The following VIT variants were observed in gnomAD, a reference collection of about 807,000 sequenced individuals.
VIT encodes vitrin.
In VIT, 99 loss-of-function variants were observed where a neutral mutation model predicts 78.0. The ratio of observed to expected loss-of-function variants is 1.27; its 90% CI spans 1.08 to 1.50. The LOEUF is 1.50. VIT is among the 40% of genes most tolerant of loss of function. The pLI, the probability that VIT is intolerant of heterozygous loss-of-function variation, is 0.00. For missense variants in VIT, 1,126 were observed against 875.3 expected (o/e 1.29, Z -3.61); for synonymous variants, 374 against 334.3 (o/e 1.12, Z -1.29).
At chr2:36,801,180 G>A (rs1666295982) in intron 12 of VIT, 121 bp from the exon 13 acceptor site, 5 of 879,484 alleles carry the variant, frequency 5.7e-6, no homozygotes, top group Non-Finnish European at 7.4e-6. Flanking sequence ...ATTTTACAAG[G>A]CATAGCAGAA....
chr2:36,725,574 T>C (rs911860337), intron 2 of VIT, among the ~76,000 whole-genome samples: 1 of 106,774 alleles, frequency 9.4e-6, no homozygotes, highest in South Asian at 3.6e-4. Context: ...GGGGTTAGGA[T>C]GTCAATGTAG....
At chr2:36,813,603 C>A (rs959671161) in intron 15 of VIT, among the ~76,000 whole-genome samples, 1 of 152,148 alleles carries the variant, frequency 6.6e-6, no homozygotes, top group African/African-American at 2.4e-5. Context: ...CTCTCTGGCA[C>A]CTTTGGCAAG....
At chr2:36,813,860 T>A (rs1667371852) in intron 15 of VIT, among the ~76,000 whole-genome samples, 1 of 152,198 alleles carries the variant, frequency 6.6e-6, no homozygotes, top group Non-Finnish European at 1.5e-5. Context: ...TTCCCAAACA[T>A]GAAATTCTTA....
intron 14 of VIT, among the ~76,000 whole-genome samples, chr2:36,806,336 G>C (rs1247542372): frequency 6.6e-6 from 1 of 152,148 alleles, no homozygotes; most frequent in Non-Finnish European, 1.5e-5. Flanking sequence ...CAGCCAGCAG[G>C]GCTCAACCTC....
At chr2:36,812,861 CT>C (rs5830441) in intron 15 of VIT, among the ~76,000 whole-genome samples, 62,909 of 109,808 alleles carry the variant, frequency 0.57, 16,276 homozygotes, top group Admixed American at 0.7. Flanking sequence ...TTTTCTTCTT[CT>C]TTTTTTTTTT....
At chr2:36,706,175 C>A (rs1665407408) in intron 1 of VIT, among the ~76,000 whole-genome samples, 2 of 152,214 alleles carry the variant, frequency 1.3e-5, no homozygotes, top group African/African-American at 4.8e-5. Context: ...TGCCACACTT[C>A]TTCCCAGAGC....
rs191576449 is a variant in VIT, at chr2:36,810,039, C to T, written c.1903+1054C>T. Among the ~76,000 whole-genome samples the T allele has an allele frequency of 5.0e-3, 740 of 148,890 alleles. 3 individuals carry two copies. Among genetic ancestry groups the T allele is most frequent in the Middle Eastern group, 0.049 (13 of 266 alleles). ...AGGCACAATGGCCCACGCCTGTGATCCCAGCACTTTGGGAGGCTGAGGCGG... is the reference window on the plus strand; with the variant it reads ...AGGCACAATGGCCCACGCCTGTGATTCCAGCACTTTGGGAGGCTGAGGCGG... On this transcript the variant is annotated intron_variant, in intron 15 of 15. Coordinates refer to ENST00000379242, the MANE Select transcript of VIT (RefSeq NM_053276.4).
chr2:36,716,803 C>G (rs934955518), intron 2 of VIT, among the ~76,000 whole-genome samples: 1 of 148,476 alleles, frequency 6.7e-6, no homozygotes, highest in Non-Finnish European at 1.5e-5. Context: ...AACAAATGAA[C>G]AAAAATTCTT....
At chr2:36,783,581 A>G (rs899316776) in intron 11 of VIT, among the ~76,000 whole-genome samples, 179 bp downstream of exon 11, 4 of 152,184 alleles carry the variant, frequency 2.6e-5, no homozygotes, top group African/African-American at 4.8e-5. Context: ...TAAACTGTCT[A>G]TGTGCATGAG....
At chr2:36,702,435 A>G (rs72801353) in intron 1 of VIT, among the ~76,000 whole-genome samples, 2,342 of 152,066 alleles carry the variant, frequency 0.015, 31 homozygotes, top group Non-Finnish European at 0.026. Context: ...CCCTGTTCAT[A>G]TTCCACTCCC....
chr2:36,763,561 G>A (rs1256109254), intron 6 of VIT, among the ~76,000 whole-genome samples: 3 of 149,542 alleles, frequency 2.0e-5, no homozygotes, highest in African/African-American at 4.9e-5. Context: ...GGGATAGGAG[G>A]AGTAATTTTT....
intron 1 of VIT, among the ~76,000 whole-genome samples, chr2:36,709,207 A>C (rs10490665): frequency 0.061 from 9,316 of 152,228 alleles, 400 homozygotes; most frequent in African/African-American, 0.12. Flanking sequence ...ATTAGAATGA[A>C]GATGGAGTAA....
At chr2:36,770,249 G>A (rs1353781018) in intron 7 of VIT, among the ~76,000 whole-genome samples, 3 of 152,208 alleles carry the variant, frequency 2.0e-5, no homozygotes, top group Admixed American at 1.3e-4. Context: ...AAGTCGCTTC[G>A]GCTTAGGACA....
At chr2:36,757,236 A>G (rs1309140895) in intron 5 of VIT, among the ~76,000 whole-genome samples, 6 of 152,154 alleles carry the variant, frequency 3.9e-5, no homozygotes, top group African/African-American at 1.4e-4. Context: ...ATCTTTCTCT[A>G]GGTTTTTATT....
intron 15 of VIT, among the ~76,000 whole-genome samples, chr2:36,810,094 C>G (rs184102575): frequency 1.3e-5 from 2 of 151,230 alleles, no homozygotes; most frequent in African/African-American, 4.9e-5. Flanking sequence ...GAGTTCGAGA[C>G]TAGCCTGACC....
At chr2:36,803,000 C>T (rs1476997825) in intron 13 of VIT, among the ~76,000 whole-genome samples, 1 of 152,244 alleles carries the variant, frequency 6.6e-6, no homozygotes, top group Non-Finnish European at 1.5e-5. Flanking sequence ...AAATCACTTT[C>T]TGAATTTTGC....
At chr2:36,719,699 G>A (rs879388334) in intron 2 of VIT, among the ~76,000 whole-genome samples, 13 of 152,322 alleles carry the variant, frequency 8.5e-5, no homozygotes, top group Middle Eastern at 3.4e-3. Flanking sequence ...AGCACCTTGC[G>A]TGGCGGAAGT....
intron 2 of VIT, among the ~76,000 whole-genome samples, chr2:36,717,599 G>A (rs977020137): frequency 6.6e-6 from 1 of 152,138 alleles, no homozygotes; most frequent in Non-Finnish European, 1.5e-5. Flanking sequence ...ATAGGCCCTT[G>A]AAGAGCAGTA....
intron 12 of VIT, among the ~76,000 whole-genome samples, chr2:36,794,859 C>A (rs868766719): frequency 4.3e-4 from 66 of 151,906 alleles, no homozygotes; most frequent in Middle Eastern, 3.4e-3. Flanking sequence ...AAAGAAATAC[C>A]GTTAAAAAAA....
Sources: allele counts gnomAD v4.1 joint callset (sites outside exome capture counted in the v4.1 genomes callset), GRCh38; gene constraint gnomAD v4.1.1; transcripts MANE v1.5; gene names NCBI Gene and HGNC (gene_info 2026-07-23, HGNC 2026-07-21).